The following PLEKHA7 variants were observed in gnomAD, a reference collection of about 807,000 sequenced individuals.
PLEKHA7 encodes the protein pleckstrin homology domain containing A7.
A neutral mutation model predicts 170.0 loss-of-function variants in PLEKHA7; 104 were observed. The observed-to-expected ratio is 0.61, with a 90% CI of 0.52 to 0.72. The LOEUF (loss-of-function observed/expected upper bound fraction) is 0.72. PLEKHA7 is among the 30% of genes least tolerant of loss of function. The probability of loss-of-function intolerance (pLI) is 0.00; values close to 1 mark genes in which losing one functional copy is unlikely to be tolerated. For synonymous variants in PLEKHA7, 648 were observed against 660.8 expected, an observed-to-expected ratio of 0.98 and a Z score of 0.30; for missense variants, 1,615 against 1,671.7, an observed-to-expected ratio of 0.97 and a Z score of 0.59.
Position 16,789,722 on chromosome 11 carries a change from T to TC in PLEKHA7, c.3156+52dup. 1 of 1,489,210 alleles carries TC rather than the reference T, an allele frequency of 6.7e-7. No homozygotes were observed. The highest frequency in any genetic ancestry group is 1.2e-5 in the South Asian group (1 of 86,940). 92.2% of individuals were successfully genotyped at this position (1,489,210 alleles called of 1,614,324 possible). A position where few individuals can be genotyped will look rare whatever the true frequency, so the allele number is the denominator to read the frequency against. ...CAGTTACTGTCCCCCTGGGAGACCC[T>TC]CCCTCCCCATGTGAAGGAGCAGGGA... On this transcript the variant is annotated intron_variant, in intron 22 of 26. Coordinates refer to ENST00000531066, the MANE Select transcript of PLEKHA7 (RefSeq NM_001329630.2). This position sits in a 1 kb window ranked among gnomAD's most constrained non-coding sequence, Gnocchi z 4.6.
At chr11:16,813,262 T>G in intron 12 of PLEKHA7, 96 bp from the exon 13 acceptor site, 2 of 1,115,812 alleles carry the variant, frequency 1.8e-6, no homozygotes, top group Non-Finnish European at 2.7e-6. Flanking sequence ...TCGTGCAGCT[T>G]TGGGAACAAG....
intron 19 of PLEKHA7, among the ~76,000 whole-genome samples, chr11:16,792,210 A>G (rs1488883064): frequency 6.6e-6 from 1 of 152,216 alleles, no homozygotes; most frequent in Non-Finnish European, 1.5e-5. Context: ...AAAGCTCCCC[A>G]GAAAGATAAA....
chr11:16,911,755 T>TC (rs1858264986), intron 3 of PLEKHA7, among the ~76,000 whole-genome samples: 1 of 151,910 alleles, frequency 6.6e-6, no homozygotes, highest in African/African-American at 2.4e-5. Flanking sequence ...CAGAGCTCTT[T>TC]CCCCACGCTC....
At chr11:16,824,406 A>G (rs968630049) in intron 10 of PLEKHA7, among the ~76,000 whole-genome samples, 2 of 152,206 alleles carry the variant, frequency 1.3e-5, no homozygotes, top group Non-Finnish European at 2.9e-5. Context: ...GTATAACTGA[A>G]ATGTTTATAA....
rs370902167 is a variant in PLEKHA7 at position 17,010,006 on chromosome 11, T to C, written c.221+3983A>G. On this transcript the variant is annotated intron_variant, in intron 3 of 26. Transcript: ENST00000531066. ...CCAACAGTAGATTTCTTATACATTT[T>C]GTCCCTCATTAATGCAAAATTGAAC... Among the ~76,000 whole-genome samples, 25 of 152,294 alleles carry C rather than the reference T, an allele frequency of 1.6e-4. No individual in the cohort carries two copies. The South Asian group carries it at 5.2e-3, about 32-fold the overall frequency.
At position 16,904,130 on chromosome 11, in the gene PLEKHA7, C is replaced by G. The variant is rs189715868; in HGVS notation, c.222-32948G>C. On this transcript the variant is annotated intron_variant, in intron 3 of 26. Coordinates refer to ENST00000531066, the MANE Select transcript of PLEKHA7 (RefSeq NM_001329630.2). Reference sequence around the variant, plus strand: ...CATTTTGGGCTCCCTCTTGACAGGCCTTCATTGGCTTAAAACATTTGTTAT... The same window carrying G: ...CATTTTGGGCTCCCTCTTGACAGGCGTTCATTGGCTTAAAACATTTGTTAT... Among the ~76,000 whole-genome samples, 158 of 152,290 alleles carry G rather than the reference C, an allele frequency of 1.0e-3. 1 individual carries two copies. Among genetic ancestry groups the G allele is most frequent in the African/African-American group, 3.6e-3 (151 of 41,548 alleles).
chr11:16,791,487 C>T lies in PLEKHA7; in HGVS notation c.2746-288G>A, dbSNP rs1847852706. ...CTCAGGTCTCCTGGGTCCATGCCCT[C>T]GGTGCTGTGCTGAACTGCTCCCTCC... On this transcript the variant is annotated intron_variant, in intron 19 of 26. Coordinates refer to ENST00000531066, the MANE Select transcript of PLEKHA7 (RefSeq NM_001329630.2). This position sits in a 1 kb window ranked among gnomAD's most constrained non-coding sequence, Gnocchi z 4.5. The T allele has an allele frequency of 1.0e-5, 6 of 591,188 alleles. No homozygotes were observed. Among genetic ancestry groups the T allele is most frequent in the African/African-American group, 3.6e-5 (2 of 54,956 alleles). 36.6% of individuals were successfully genotyped at this position (591,188 alleles called of 1,614,324 possible).
rs780593071 is a variant in PLEKHA7, at chr11:17,014,153, G to T, written c.135C>A (p.Pro45=). 1.4e-5 allele frequency: 22 copies of T among 1,601,744 alleles called. No individual in the cohort carries two copies. Among genetic ancestry groups the T allele is most frequent in the Admixed American group, 5.1e-5 (3 of 59,352 alleles). ...TTWLHPRTGE[P]VNSGHMIRSD... ...AGCGGATCATGTGGCCCGAGTTGAC[G>T]GGCTCCCCGGTGCGCGGATGCAGCC... is the stretch of plus-strand genomic sequence containing the variant. Residue 45 remains proline, a synonymous_variant, in exon 2 of 27, where the codon CCC becomes CCA. Transcript: ENST00000531066.
chr11:16,807,784 C>A (rs1036666682), intron 13 of PLEKHA7, among the ~76,000 whole-genome samples: 2 of 152,192 alleles, frequency 1.3e-5, no homozygotes, highest in Non-Finnish European at 2.9e-5. Flanking sequence ...GATCTCAGCC[C>A]TTGCTGAACA....
chr11:16,964,054 G>A (rs1862225160), intron 3 of PLEKHA7, among the ~76,000 whole-genome samples: 1 of 152,142 alleles, frequency 6.6e-6, no homozygotes, highest in Non-Finnish European at 1.5e-5. Context: ...TCTCATAAAA[G>A]TGGAATCATA....
intron 3 of PLEKHA7, among the ~76,000 whole-genome samples, chr11:16,990,383 G>A (rs1018917633): frequency 1.3e-5 from 2 of 151,058 alleles, no homozygotes; most frequent in East Asian, 1.9e-4. Context: ...AAAACCATCC[G>A]GGCTCCACCT....
chr11:16,807,038 G>T, intron 13 of PLEKHA7: 1 of 364,184 alleles, frequency 2.7e-6, no homozygotes, highest in Non-Finnish European at 3.8e-6. Flanking sequence ...CTTGCGGGAA[G>T]CCTGGGGCGG....
rs1362626442 is a variant in PLEKHA7, at chr11:17,014,115, C to G, written c.163+10G>C. 2 of 1,597,906 alleles carry G rather than the reference C, an allele frequency of 1.3e-6. No homozygotes were observed. Among genetic ancestry groups the G allele is most frequent in the African/African-American group, 2.7e-5 (2 of 74,424 alleles). ...TGCGCGCGCCCCCCACCCGCCGGCC[C>G]GGCGCCCACCTGAGCGGATCATGTG... On this transcript the variant is annotated intron_variant, in intron 2 of 26. Coordinates refer to ENST00000531066, the MANE Select transcript of PLEKHA7 (RefSeq NM_001329630.2).
At chr11:16,944,652 TTCTA>T (rs1356276979) in intron 3 of PLEKHA7, among the ~76,000 whole-genome samples, 2 of 152,192 alleles carry the variant, frequency 1.3e-5, no homozygotes, top group Non-Finnish European at 2.9e-5. Context: ...GTATCATTCT[TTCTA>T]TGTATGTGAG....
chr11:17,003,567 A>G (rs1041635573), intron 3 of PLEKHA7, among the ~76,000 whole-genome samples: 1 of 152,144 alleles, frequency 6.6e-6, no homozygotes, highest in Non-Finnish European at 1.5e-5. Context: ...CATAATCCTC[A>G]CATTTAACCC....
intron 11 of PLEKHA7, among the ~76,000 whole-genome samples, 155 bp from the exon 12 acceptor site, chr11:16,816,419 GT>G (rs1207540135): frequency 3.9e-5 from 6 of 152,188 alleles, no homozygotes; most frequent in African/African-American, 1.4e-4. Flanking sequence ...ACACTAAACT[GT>G]GAAAGCCTCT....
chr11:16,906,305 T>A (rs1857687300), intron 3 of PLEKHA7, among the ~76,000 whole-genome samples: 1 of 138,762 alleles, frequency 7.2e-6, no homozygotes, highest in Admixed American at 7.2e-5. Flanking sequence ...GAAAGGCTCC[T>A]CCTCTCCCTC....
chr11:16,891,092 C>CTATTCTATTA (rs1263447196), intron 3 of PLEKHA7, among the ~76,000 whole-genome samples: 1 of 151,898 alleles, frequency 6.6e-6, no homozygotes, highest in Admixed American at 6.6e-5. Context: ...CTATTCTATT[C>CTATTCTATTA]TTTTTAGAGA....
chr11:16,834,875 G>T (rs1008280472), intron 9 of PLEKHA7, among the ~76,000 whole-genome samples: 13 of 152,166 alleles, frequency 8.5e-5, no homozygotes, highest in African/African-American at 3.1e-4. Context: ...TGCCAGGAGT[G>T]CAGGGTATCC....
Sources: gnomAD v4.1 joint callset for allele counts (sites outside exome capture counted in the v4.1 genomes callset) on GRCh38, gnomAD v4.1.1 for gene constraint, Gnocchi (gnomAD v3.1) non-coding constraint, MANE v1.5 for transcripts, NCBI Gene and HGNC (gene_info 2026-07-23, HGNC 2026-07-21) for gene names.